Variants in NHLH2 observed in about 807,000 individuals in gnomAD.
NHLH2 encodes helix-loop-helix protein 2.
A neutral mutation model predicts 7.3 loss-of-function variants in NHLH2; 7 were observed. That is an observed-to-expected ratio of 0.96 (90% confidence interval 0.55 to 1.81). The LOEUF (loss-of-function observed/expected upper bound fraction) is 1.81. Among genes scored for constraint, NHLH2 ranks in the 40% most tolerant of loss-of-function variants. The pLI is 0.00. For synonymous variants in NHLH2, 93 were observed against 91.6 expected (o/e 1.01, Z -0.09); for missense variants, 155 against 194.0 (o/e 0.80, Z 1.19).
At position 115,837,751 on chromosome 1, in the gene NHLH2, C is replaced by A. The variant is rs1570907258; in HGVS notation, c.*214G>T. 1 of 558,038 alleles carries A rather than the reference C, an allele frequency of 1.8e-6. No homozygotes were observed. The highest frequency in any genetic ancestry group is 3.0e-6 in the Non-Finnish European group (1 of 330,116). The allele number at this position is 558,038 out of a possible 1,614,324, so 34.6% of individuals were successfully genotyped here. Reference sequence around the variant, plus strand: ...AAAATCCCCCCTGCGAGCCCCCGGGCTCGCCAGACAACCCCACCTGCCTGC... The same window carrying A: ...AAAATCCCCCCTGCGAGCCCCCGGGATCGCCAGACAACCCCACCTGCCTGC... On this transcript the variant is annotated 3_prime_UTR_variant, in exon 3 of 3. Coordinates refer to ENST00000320238, the MANE Select transcript of NHLH2 (RefSeq NM_005599.3).
intron 2 of NHLH2, 34 bp from the exon 3 acceptor site, chr1:115,838,414 G>C (rs370817758): frequency 1.2e-6 from 2 of 1,600,312 alleles, no homozygotes; most frequent in Non-Finnish European, 1.7e-6. Flanking sequence ...TCAGTAAAAG[G>C]AATCAGGGTA....
At chr1:115,833,687 A>C (rs1216529587), downstream of NHLH2, among the ~76,000 whole-genome samples, 1 of 152,256 alleles carries the variant, frequency 6.6e-6, no homozygotes, top group Non-Finnish European at 1.5e-5. Flanking sequence ...TGAGAATTAC[A>C]GGAGATAATG....
downstream of NHLH2, among the ~76,000 whole-genome samples, chr1:115,834,783 CT>C (rs1650828311): frequency 6.6e-6 from 1 of 152,182 alleles, no homozygotes; most frequent in Non-Finnish European, 1.5e-5. Context: ...CTCCAGTAGA[CT>C]TTGTCTCATG....
At chr1:115,832,919 G>A (rs931526274), downstream of NHLH2, among the ~76,000 whole-genome samples, 7 of 152,152 alleles carry the variant, frequency 4.6e-5, no homozygotes, top group African/African-American at 7.2e-5. Flanking sequence ...GGCCCAGGTC[G>A]TAAAAGAAAA....
rs999649120 is a variant in NHLH2, at chr1:115,837,028, GAA to G, written c.*935_*936del. On this transcript the variant is annotated 3_prime_UTR_variant, in exon 3 of 3. Transcript: ENST00000320238. ...AAAGTTAGACATAATTATTCCACAGGAAAAAGTGTAAACACTTGACTATAAAT... is the reference window on the plus strand; with the variant it reads ...AAAGTTAGACATAATTATTCCACAGGAAAGTGTAAACACTTGACTATAAAT... The G allele has an allele frequency of 1.8e-4, 28 of 152,186 alleles. No individual in the cohort carries two copies. Among genetic ancestry groups the G allele is most frequent in the African/African-American group, 6.3e-4 (26 of 41,356 alleles). 9.4% of individuals were successfully genotyped at this position (152,186 alleles called of 1,614,324 possible).
Position 115,837,819 on chromosome 1 carries a change from G to C in NHLH2, c.*146C>G. On this transcript the variant is annotated 3_prime_UTR_variant, in exon 3 of 3. Coordinates refer to ENST00000320238, the MANE Select transcript of NHLH2 (RefSeq NM_005599.3). ...GTCGCCCTGCTGACCAGAGAGAACA[G>C]GTAGCGAGCTTCTTCCCCGGCCGTC... is the stretch of plus-strand genomic sequence containing the variant. 1 of 856,822 alleles carries C rather than the reference G, an allele frequency of 1.2e-6. No homozygotes were observed. Among genetic ancestry groups the C allele is most frequent in the African/African-American group, 1.8e-5 (1 of 54,708 alleles). 53.1% of individuals were successfully genotyped at this position (856,822 alleles called of 1,614,324 possible).
rs1650883664 is a variant in NHLH2 at position 115,836,833 on chromosome 1, A to T, written c.*1132T>A. The T allele has an allele frequency of 6.6e-6, 1 of 152,202 alleles. No homozygotes were observed. Among genetic ancestry groups the T allele is most frequent in the South Asian group, 2.1e-4 (1 of 4,832 alleles). 9.4% of individuals were successfully genotyped at this position (152,202 alleles called of 1,614,324 possible). ...ATAATACACTTTTTAAAAAACTATA[A>T]TAGTGAAGTGCTAGTGTTGCTGATC... On this transcript the variant is annotated 3_prime_UTR_variant, in exon 3 of 3. Transcript: ENST00000320238.
Position 115,838,393 on chromosome 1 carries a change from C to A in NHLH2, c.-8-13G>T, listed in dbSNP as rs368199916. 5.6e-6 allele frequency: 9 copies of A among 1,606,996 alleles called. No individual in the cohort carries two copies. The highest frequency in any genetic ancestry group is 1.3e-5 in the African/African-American group (1 of 74,252). ...ATCATTTTGGAGGCTGAGGAGGGGT[C>A]GGAAAATTAATCAGTAAAAGGAATC... On this transcript the variant is annotated splice_polypyrimidine_tract_variant and intron_variant, in intron 2 of 2. Coordinates refer to ENST00000320238, the MANE Select transcript of NHLH2 (RefSeq NM_005599.3).
At chr1:115,833,482 G>A (rs115284459), downstream of NHLH2, among the ~76,000 whole-genome samples, 177 of 152,262 alleles carry the variant, frequency 1.2e-3, no homozygotes, top group Non-Finnish European at 2.0e-3. Flanking sequence ...AGGCACCAAG[G>A]GGGGTGGTGT....
At chr1:115,833,964 T>C (rs28413850), downstream of NHLH2, among the ~76,000 whole-genome samples, 7,260 of 152,198 alleles carry the variant, frequency 0.048, 387 homozygotes, top group African/African-American at 0.13. Flanking sequence ...CTTATCATAG[T>C]GCTCTGGTGA....
chr1:115,840,264 A>T lies in NHLH2; in HGVS notation c.-57T>A, dbSNP rs1651034572. ...CTGTTCTCCAATCTTTAGAGTTAAA[A>T]TTCCAAGGAATAGCGAGGGGAGATT... On this transcript the variant is annotated 5_prime_UTR_variant, in exon 2 of 3. Transcript: ENST00000320238. The T allele has an allele frequency of 6.0e-6, 1 of 167,100 alleles. No homozygotes were observed. Among genetic ancestry groups the T allele is most frequent in the South Asian group, 2.1e-4 (1 of 4,832 alleles). The allele number at this position is 167,100 out of a possible 1,614,324, so 10.4% of individuals were successfully genotyped here. A position where few individuals can be genotyped will look rare whatever the true frequency, so the allele number is the denominator to read the frequency against.
chr1:115,838,329 C>T lies in NHLH2; in HGVS notation c.44G>A (p.Ser15Asn), dbSNP rs1650944086. 1 of 1,609,404 alleles carries T rather than the reference C, an allele frequency of 6.2e-7. No homozygotes were observed. The highest frequency in any genetic ancestry group is 1.3e-5 in the African/African-American group (1 of 74,648). ...GGACTCCGGATCCGAGTGCGCCGAG[C>T]TGGGATGGTCCGAATCTGCTGCTTG... The part of the protein sequence containing the change: ...PDQAADSDHP[S>N]SAHSDPESLG... The change falls in exon 3 of 3, where the codon AGC (serine) becomes AAC (asparagine). Residue 15 changes from serine to asparagine, a missense_variant. Transcript: ENST00000320238.
At position 115,838,013 on chromosome 1, in the gene NHLH2, G is replaced by T; in HGVS notation, c.360C>A (p.Arg120=). The change falls in exon 3 of 3, where the codon CGC becomes CGA. Residue 120 remains arginine, a synonymous_variant. Transcript: ENST00000320238. The part of the protein sequence containing the change: ...DKKLSKIEIL[R]LAICYISYLN... ...GATAGGAGATGTAGCAGATGGCCAG[G>T]CGCAGGATCTCGATCTTGGAGAGCT... The T allele has an allele frequency of 6.2e-7, 1 of 1,610,602 alleles. No homozygotes were observed. The highest frequency in any genetic ancestry group is 8.5e-7 in the Non-Finnish European group (1 of 1,178,626).
Position 115,837,978 on chromosome 1 carries a change from ACGT to A in NHLH2, c.392_394del (p.His131_Val132delinsLeu), listed in dbSNP as rs1273477457. On this transcript the variant is annotated inframe_deletion, in exon 3 of 3. Transcript: ENST00000320238. ...GCGCACCCCGCCCTACACGTCCAGGACGTGGTTGAGATAGGAGATGTAGCAGAT... is the reference window on the plus strand; with the variant it reads ...GCGCACCCCGCCCTACACGTCCAGGAGGTTGAGATAGGAGATGTAGCAGAT... 1 of 1,602,870 alleles carries A rather than the reference ACGT, an allele frequency of 6.2e-7. No individual in the cohort carries two copies. The highest frequency in any genetic ancestry group is 8.5e-7 in the Non-Finnish European group (1 of 1,175,838).
At chr1:115,831,750 G>A (rs771940057), downstream of NHLH2, among the ~76,000 whole-genome samples, 2 of 151,782 alleles carry the variant, frequency 1.3e-5, no homozygotes, top group African/African-American at 2.4e-5. Flanking sequence ...GTGAAACCCC[G>A]TCTCTACAAA....
chr1:115,837,941 C>A lies in NHLH2; in HGVS notation c.*24G>T, dbSNP rs757379354. ...AGCGTTTCGCGGACGCCGGGACAGG[C>A]GGCCCCCCGCGGCGCACCCCGCCCT... is the stretch of plus-strand genomic sequence containing the variant. On this transcript the variant is annotated 3_prime_UTR_variant, in exon 3 of 3. Coordinates refer to ENST00000320238, the MANE Select transcript of NHLH2 (RefSeq NM_005599.3). The A allele has an allele frequency of 4.4e-6, 7 of 1,581,362 alleles. No homozygotes were observed. Among genetic ancestry groups the A allele is most frequent in the Non-Finnish European group, 6.0e-6 (7 of 1,166,524 alleles).
At chr1:115,831,889 C>T (rs1650761144), downstream of NHLH2, among the ~76,000 whole-genome samples, 2 of 150,122 alleles carry the variant, frequency 1.3e-5, no homozygotes, top group Admixed American at 1.3e-4. Context: ...GCCACTGCAC[C>T]ACTGCAGCCT....
Position 115,838,191 on chromosome 1 carries a change from T to G in NHLH2, c.182A>C (p.Gln61Pro). The change falls in exon 3 of 3, where the codon CAG becomes CCG. Residue 61 changes from glutamine (Q) to proline (P), a missense_variant. By Grantham distance (76) the Gln-to-Pro change is moderately conservative (BLOSUM62 -1). This residue lies in a region of NHLH2 where 91 missense variants were observed against 86.6 expected (regional missense o/e 1.05). Transcript: ENST00000320238. ...GCGCTTCTCCTCGCGGCTCAGCTGCTGCGGGTGCGGGTAGAGCGCGGCTCG... is the reference window on the plus strand; with the variant it reads ...GCGCTTCTCCTCGCGGCTCAGCTGCGGCGGGTGCGGGTAGAGCGCGGCTCG... ...GSRAALYPHP[Q>P]QLSREEKRRR... 1.9e-6 allele frequency: 3 copies of G among 1,569,520 alleles called. No homozygotes were observed. Among genetic ancestry groups the G allele is most frequent in the Non-Finnish European group, 2.6e-6 (3 of 1,159,042 alleles).
At chr1:115,835,865 C>T (rs943593643), downstream of NHLH2, among the ~76,000 whole-genome samples, 11 of 151,816 alleles carry the variant, frequency 7.2e-5, no homozygotes, top group East Asian at 3.9e-4. Context: ...TTCTTGTTTG[C>T]GGATGCCCTG....
Sources: allele counts gnomAD v4.1 joint callset (sites outside exome capture counted in the v4.1 genomes callset), GRCh38; gene constraint gnomAD v4.1.1; regional missense constraint gnomAD v4.1.1; transcripts MANE v1.5; gene names NCBI Gene and HGNC (gene_info 2026-07-23, HGNC 2026-07-21).